ANKDD1A: variants seen among roughly 807,000 people sequenced by gnomAD.
ANKDD1A encodes the protein ankyrin repeat and death domain-containing protein 1A.
A neutral mutation model predicts 63.5 loss-of-function variants in ANKDD1A; 59 were observed. The ratio of observed to expected loss-of-function variants is 0.93; its 90% CI spans 0.75 to 1.15. The LOEUF (loss-of-function observed/expected upper bound fraction) is 1.15, where lower values mean the gene tolerates loss of function less well. ANKDD1A is among the 50% of genes most tolerant of loss of function. The probability of loss-of-function intolerance (pLI) is 0.00; values close to 1 mark genes in which losing one functional copy is unlikely to be tolerated. For synonymous variants in ANKDD1A, 266 were observed against 263.9 expected (o/e 1.01, Z -0.08); for missense variants, 632 against 656.4 (o/e 0.96, Z 0.41).
At chr15:64,951,385 TTTC>T (rs749407111) in intron 14 of ANKDD1A, 169 of 336,558 alleles carry the variant, frequency 5.0e-4, no homozygotes, top group African/African-American at 6.5e-4. Flanking sequence ...TTCTTTTTCT[TTTC>T]TTCTTCCTCT....
intron 14 of ANKDD1A, among the ~76,000 whole-genome samples, chr15:64,952,502 CCTT>C (rs537981213): frequency 1.4e-3 from 112 of 79,512 alleles, no homozygotes; most frequent in Non-Finnish European, 2.1e-3. Context: ...ACCGTCTTCT[CCTT>C]CTTCTTACTT....
intron 14 of ANKDD1A, among the ~76,000 whole-genome samples, chr15:64,953,729 CTCCTCCTT>C (rs2085357582): frequency 3.3e-5 from 3 of 91,222 alleles, no homozygotes. Context: ...TCTCCTTCTT[CTCCTCCTT>C]CTTCTTTCCT....
intron 14 of ANKDD1A, among the ~76,000 whole-genome samples, chr15:64,951,734 C>G (rs1332660766): frequency 3.8e-5 from 1 of 26,590 alleles, no homozygotes; most frequent in Non-Finnish European, 7.9e-5. Context: ...TTTCTTCTTT[C>G]CTCCTTCTTC....
At chr15:64,941,171 A>T (rs1390971784) in intron 9 of ANKDD1A, among the ~76,000 whole-genome samples, 1 of 152,212 alleles carries the variant, frequency 6.6e-6, no homozygotes, top group Non-Finnish European at 1.5e-5. Flanking sequence ...CATTGTGACT[A>T]GAATATCTTT....
At chr15:64,941,083 G>A (rs936074024) in intron 9 of ANKDD1A, among the ~76,000 whole-genome samples, 1 of 152,132 alleles carries the variant, frequency 6.6e-6, no homozygotes, top group African/African-American at 2.4e-5. Flanking sequence ...CCTCAGTGAT[G>A]TTATATAGCT....
intron 12 of ANKDD1A, among the ~76,000 whole-genome samples, chr15:64,947,050 C>T (rs150305715): frequency 1.3e-5 from 2 of 152,272 alleles, no homozygotes; most frequent in Non-Finnish European, 2.9e-5. Context: ...TCTGCTGACA[C>T]CCATGCTATA....
At chr15:64,953,368 T>C (rs2140390360) in intron 14 of ANKDD1A, among the ~76,000 whole-genome samples, 1 of 132,996 alleles carries the variant, frequency 7.5e-6, no homozygotes, top group Non-Finnish European at 1.6e-5. Flanking sequence ...TTCTTTCTTC[T>C]CCTTCTTTTC....
intron 10 of ANKDD1A, among the ~76,000 whole-genome samples, chr15:64,942,868 G>A (rs1179791176): frequency 6.6e-6 from 1 of 152,060 alleles, no homozygotes; most frequent in African/African-American, 2.4e-5. Context: ...AACATTCCCA[G>A]GGCAGGGGTG....
chr15:64,914,957 A>G (rs1318294786), intron 1 of ANKDD1A, among the ~76,000 whole-genome samples: 1 of 152,090 alleles, frequency 6.6e-6, no homozygotes, highest in African/African-American at 2.4e-5. Flanking sequence ...AGAGAAGGAA[A>G]ATCAGGGTAG....
chr15:64,942,687 T>A lies in ANKDD1A; in HGVS notation c.966+122T>A, dbSNP rs1476101217. The A allele has an allele frequency of 1.3e-5, 9 of 704,888 alleles. No homozygotes were observed. In the East Asian group the frequency reaches 2.7e-4, roughly 21 times the overall value. 43.7% of individuals were successfully genotyped at this position (704,888 alleles called of 1,614,324 possible). A position where few individuals can be genotyped will look rare whatever the true frequency, so the allele number is the denominator to read the frequency against. ...TGAGGAATCACTTTTTTTTTTTTTT[T>A]TTTAGCTTTTAGAAAGTAATCTAAA... On this transcript the variant is annotated intron_variant, in intron 10 of 14. Coordinates refer to ENST00000319580, the MANE Select transcript of ANKDD1A (RefSeq NM_182703.6).
chr15:64,938,375 T>G (rs1370541638), intron 9 of ANKDD1A, among the ~76,000 whole-genome samples: 1 of 152,172 alleles, frequency 6.6e-6, no homozygotes, highest in African/African-American at 2.4e-5. Context: ...ATGAGTCATG[T>G]TGGCAGTATT....
chr15:64,917,517 A>G lies in ANKDD1A; in HGVS notation c.267+3A>G. On this transcript the variant is annotated splice_donor_region_variant and intron_variant, in intron 3 of 14. Transcript: ENST00000319580. Reference sequence around the variant, plus strand: ...CCCTCACAGAGGCACGTCTGTGTGTACGTGTCTGTCTGTCTGTCTGTCTCA... The same window carrying G: ...CCCTCACAGAGGCACGTCTGTGTGTGCGTGTCTGTCTGTCTGTCTGTCTCA... 1 of 1,520,262 alleles carries G rather than the reference A, an allele frequency of 6.6e-7. No individual in the cohort carries two copies. Among genetic ancestry groups the G allele is most frequent in the Non-Finnish European group, 8.8e-7 (1 of 1,131,844 alleles). 94.2% of individuals were successfully genotyped at this position (1,520,262 alleles called of 1,614,324 possible).
chr15:64,952,500 C>T (rs935014295), intron 14 of ANKDD1A, among the ~76,000 whole-genome samples: 2 of 91,804 alleles, frequency 2.2e-5, no homozygotes, highest in African/African-American at 8.4e-5. Flanking sequence ...TCACCGTCTT[C>T]TCCTTCTTCT....
At chr15:64,929,524 C>T (rs1039028402) in intron 6 of ANKDD1A, among the ~76,000 whole-genome samples, 2 of 152,198 alleles carry the variant, frequency 1.3e-5, no homozygotes, top group African/African-American at 2.4e-5. Context: ...GGGGCCACTT[C>T]TGATACAAAG....
chr15:64,918,097 C>T (rs971652945), intron 3 of ANKDD1A, among the ~76,000 whole-genome samples: 2 of 152,254 alleles, frequency 1.3e-5, no homozygotes, highest in Non-Finnish European at 2.9e-5. Context: ...GGCGCGATGG[C>T]TCATGCCTGT....
chr15:64,917,620 G>A, intron 3 of ANKDD1A, 106 bp downstream of exon 3: 1 of 1,453,258 alleles, frequency 6.9e-7, no homozygotes, highest in East Asian at 2.6e-5. Context: ...CAGACATTCA[G>A]GTGCAGAGTG....
intron 8 of ANKDD1A, 60 bp downstream of exon 8, chr15:64,931,645 G>C: frequency 6.4e-7 from 1 of 1,551,950 alleles, no homozygotes; most frequent in Non-Finnish European, 8.8e-7. Flanking sequence ...AGCCATGTCG[G>C]CAGTAACGGC....
intron 9 of ANKDD1A, among the ~76,000 whole-genome samples, chr15:64,939,590 C>T (rs1167243102): frequency 3.9e-5 from 6 of 152,090 alleles, no homozygotes; most frequent in South Asian, 2.1e-4. Context: ...CTCCAACCTG[C>T]ATGACAGATC....
chr15:64,951,847 CTT>C (rs2085289073), intron 14 of ANKDD1A, among the ~76,000 whole-genome samples: 6 of 113,860 alleles, frequency 5.3e-5, no homozygotes, highest in Non-Finnish European at 1.2e-4. Context: ...ATTCTTTCTT[CTT>C]CTTTCTTCTT....
Sources: gnomAD v4.1 joint callset for allele counts (sites outside exome capture counted in the v4.1 genomes callset) on GRCh38, gnomAD v4.1.1 for gene constraint, MANE v1.5 for transcripts, NCBI Gene and HGNC (gene_info 2026-07-23, HGNC 2026-07-21) for gene names.